The following PFDN2 variants were observed in gnomAD, a reference collection of about 807,000 sequenced individuals.
PFDN2 encodes prefoldin subunit 2, also known as prefoldin 2.
PFDN2 carries 7 observed loss-of-function variants against 18.3 expected under a neutral mutation model. The ratio of observed to expected loss-of-function variants is 0.38; its 90% CI spans 0.22 to 0.72. The LOEUF (loss-of-function observed/expected upper bound fraction) is 0.72. Among genes scored for constraint, PFDN2 ranks in the 30% least tolerant of loss-of-function variants. PFDN2 has a pLI of 0.47. For synonymous variants in PFDN2, 76 were observed against 75.0 expected, an observed-to-expected ratio of 1.01 and a Z score of -0.07; for missense variants, 181 against 199.1, an observed-to-expected ratio of 0.91 and a Z score of 0.55.
chr1:161,108,320 T>C (rs1027045344), intron 1 of PFDN2, among the ~76,000 whole-genome samples: 2 of 151,646 alleles, frequency 1.3e-5, no homozygotes, highest in African/African-American at 4.8e-5. Flanking sequence ...TAACTGGGTA[T>C]GGTGGCACAT....
intron 1 of PFDN2, among the ~76,000 whole-genome samples, chr1:161,103,116 G>C (rs534818586): frequency 1.3e-5 from 2 of 152,024 alleles, no homozygotes; most frequent in Non-Finnish European, 2.9e-5. Context: ...TCCTTAACTT[G>C]GTGTGGTTCT....
At chr1:161,108,643 A>C (rs139402338) in intron 1 of PFDN2, among the ~76,000 whole-genome samples, 1 of 152,156 alleles carries the variant, frequency 6.6e-6, no homozygotes, top group South Asian at 2.1e-4. Context: ...AATTTCTTGA[A>C]TCGTATTCCA....
chr1:161,108,975 C>G (rs1259646970), intron 1 of PFDN2, among the ~76,000 whole-genome samples: 3 of 152,118 alleles, frequency 2.0e-5, no homozygotes, highest in African/African-American at 7.2e-5. Flanking sequence ...AATCTACTCC[C>G]CACACTGCAG....
intron 1 of PFDN2, among the ~76,000 whole-genome samples, chr1:161,110,408 G>A (rs1253617045): frequency 6.6e-6 from 1 of 152,022 alleles, no homozygotes; most frequent in Non-Finnish European, 1.5e-5. Flanking sequence ...AATCATACCT[G>A]TACCCAGGTT....
At chr1:161,104,296 A>T (rs1429852279) in intron 1 of PFDN2, among the ~76,000 whole-genome samples, 1 of 152,154 alleles carries the variant, frequency 6.6e-6, no homozygotes, top group Admixed American at 6.5e-5. Flanking sequence ...TCATCTGACA[A>T]CAGTGGACTC....
chr1:161,109,352 T>G (rs1416277528), intron 1 of PFDN2, among the ~76,000 whole-genome samples: 1 of 152,226 alleles, frequency 6.6e-6, no homozygotes, highest in Non-Finnish European at 1.5e-5. Flanking sequence ...TGTTAACCCT[T>G]TATATGTGCT....
intron 1 of PFDN2, among the ~76,000 whole-genome samples, chr1:161,108,636 T>G (rs1415940756): frequency 9.9e-5 from 15 of 152,104 alleles, no homozygotes; most frequent in Admixed American, 9.8e-4. Flanking sequence ...TTTCTTGAAT[T>G]TCTTGAATCG....
intron 1 of PFDN2, among the ~76,000 whole-genome samples, chr1:161,102,995 G>A (rs1285674001): frequency 6.6e-6 from 1 of 151,884 alleles, no homozygotes; most frequent in East Asian, 1.9e-4. Context: ...AGAGCTACTG[G>A]AGTACCTACA....
At chr1:161,105,737 GC>G (rs1654664971) in intron 1 of PFDN2, among the ~76,000 whole-genome samples, 1 of 152,164 alleles carries the variant, frequency 6.6e-6, no homozygotes, top group African/African-American at 2.4e-5. Flanking sequence ...GGGATTACAG[GC>G]GTGAGCCACT....
chr1:161,112,933 C>T (rs1469521122), intron 1 of PFDN2, among the ~76,000 whole-genome samples: 1 of 149,656 alleles, frequency 6.7e-6, no homozygotes, highest in Admixed American at 6.7e-5. Context: ...CTTCCATCCA[C>T]ACATATATAC....
At chr1:161,107,617 C>T (rs572746059) in intron 1 of PFDN2, among the ~76,000 whole-genome samples, 4 of 151,918 alleles carry the variant, frequency 2.6e-5, no homozygotes, top group South Asian at 2.1e-4. Context: ...GAGTTCACGA[C>T]CAGCCTGGCC....
At chr1:161,112,606 T>C (rs1654833495) in intron 1 of PFDN2, among the ~76,000 whole-genome samples, 1 of 152,320 alleles carries the variant, frequency 6.6e-6, no homozygotes, top group Admixed American at 6.5e-5. Context: ...GGTTCATCTT[T>C]GAACATACCA....
At chr1:161,108,952 A>G (rs1022913833) in intron 1 of PFDN2, among the ~76,000 whole-genome samples, 5 of 152,104 alleles carry the variant, frequency 3.3e-5, no homozygotes, top group African/African-American at 1.2e-4. Context: ...CTGCCTCCTG[A>G]TTTGCCCCCT....
At chr1:161,116,100 G>C (rs1208243523) in intron 1 of PFDN2, among the ~76,000 whole-genome samples, 1 of 152,160 alleles carries the variant, frequency 6.6e-6, no homozygotes, top group African/African-American at 2.4e-5. Context: ...AATGGCTTAT[G>C]CCTATAGTCC....
chr1:161,115,536 TC>T (rs1262049967), intron 1 of PFDN2, among the ~76,000 whole-genome samples: 1 of 152,184 alleles, frequency 6.6e-6, no homozygotes, highest in Admixed American at 6.5e-5. Context: ...TGATCTGAGA[TC>T]ACCTAAAGCA....
chr1:161,104,521 G>A (rs1315366369), intron 1 of PFDN2, among the ~76,000 whole-genome samples: 1 of 149,900 alleles, frequency 6.7e-6, no homozygotes, highest in African/African-American at 2.5e-5. Context: ...ATAGCTCACT[G>A]CAGCCTCAAT....
chr1:161,108,554 GACTCCATCTCA>G (rs1654734654), intron 1 of PFDN2, among the ~76,000 whole-genome samples: 1 of 148,706 alleles, frequency 6.7e-6, no homozygotes, highest in Non-Finnish European at 1.5e-5. Flanking sequence ...AATAGAGTGA[GACTCCATCTCA>G]AAAAAAAAAA....
intron 3 of PFDN2, among the ~76,000 whole-genome samples, 167 bp from the exon 4 acceptor site, chr1:161,101,026 C>T (rs1236358729): frequency 1.3e-5 from 2 of 152,122 alleles, no homozygotes; most frequent in African/African-American, 2.4e-5. Context: ...GGTTTATACA[C>T]TTTAATGTAC....
At chr1:161,105,099 C>T (rs1654652630) in intron 1 of PFDN2, among the ~76,000 whole-genome samples, 2 of 152,104 alleles carry the variant, frequency 1.3e-5, no homozygotes, top group Admixed American at 1.3e-4. Context: ...TCTAGATGTT[C>T]CCTCAGCACC....
Sources: gnomAD v4.1 joint callset for allele counts (sites outside exome capture counted in the v4.1 genomes callset) on GRCh38, gnomAD v4.1.1 for gene constraint, MANE v1.5 for transcripts, NCBI Gene and HGNC (gene_info 2026-07-23, HGNC 2026-07-21) for gene names.